PRSS23: variants seen among roughly 807,000 people sequenced by gnomAD.
PRSS23 encodes serine protease 23.
In PRSS23, 25 loss-of-function variants were observed where a neutral mutation model predicts 34.7. The ratio of observed to expected loss-of-function variants is 0.72; its 90% confidence interval spans 0.53 to 1.01. PRSS23 has a LOEUF of 1.01. Ranked by LOEUF, PRSS23 falls within the 50% of genes least tolerant of loss-of-function variation. The probability of loss-of-function intolerance (pLI) is 0.00; values close to 1 mark genes in which losing one functional copy is unlikely to be tolerated. For missense variants in PRSS23, 445 were observed against 475.6 expected, an observed-to-expected ratio of 0.94 and a Z score of 0.60; for synonymous variants, 176 against 186.6, an observed-to-expected ratio of 0.94 and a Z score of 0.46.
intron 2 of PRSS23, among the ~76,000 whole-genome samples, chr11:86,856,798 G>A (rs1048576556): frequency 6.6e-6 from 1 of 152,140 alleles, no homozygotes; most frequent in South Asian, 2.1e-4. Flanking sequence ...TTCACCTGGA[G>A]TACAGGGTTA....
intron 2 of PRSS23, among the ~76,000 whole-genome samples, chr11:86,839,464 A>C (rs1948431378): frequency 6.6e-6 from 1 of 152,176 alleles, no homozygotes; most frequent in African/African-American, 2.4e-5. Flanking sequence ...AAAAGACCAA[A>C]TCTATGTTTG....
intron 2 of PRSS23, chr11:86,837,227 C>G (rs895466997): frequency 1.3e-5 from 2 of 152,170 alleles, no homozygotes; most frequent in Non-Finnish European, 2.9e-5. Context: ...TTATTTTATT[C>G]TAATAGATTG....
upstream of PRSS23, among the ~76,000 whole-genome samples, chr11:86,799,038 GAAGCT>G (rs1303090490): frequency 9.2e-5 from 14 of 152,136 alleles, no homozygotes; most frequent in Non-Finnish European, 2.1e-4. Flanking sequence ...GAAAACAATT[GAAGCT>G]AAGCTAAGAA....
intron 2 of PRSS23, among the ~76,000 whole-genome samples, chr11:86,829,947 C>A (rs1457451452): frequency 6.6e-6 from 1 of 152,218 alleles, no homozygotes; most frequent in Non-Finnish European, 1.5e-5. Flanking sequence ...GGGTCAGGGA[C>A]CCACTTGAGG....
chr11:86,831,993 G>A (rs1398907953), intron 2 of PRSS23, among the ~76,000 whole-genome samples: 1 of 151,710 alleles, frequency 6.6e-6, no homozygotes, highest in African/African-American at 2.4e-5. Flanking sequence ...TACTCCTAAT[G>A]TTCGAGATGG....
intron 2 of PRSS23, among the ~76,000 whole-genome samples, chr11:86,888,444 C>G (rs1263995675): frequency 3.9e-5 from 6 of 152,196 alleles, no homozygotes; most frequent in African/African-American, 2.4e-5. Flanking sequence ...GAGAATCACT[C>G]TAAATCCAAG....
chr11:86,843,833 A>G (rs1345480452), intron 2 of PRSS23, among the ~76,000 whole-genome samples: 2 of 152,240 alleles, frequency 1.3e-5, no homozygotes, highest in African/African-American at 2.4e-5. Flanking sequence ...AAGTTAGTTC[A>G]ACCATTGTGG....
intron 2 of PRSS23, among the ~76,000 whole-genome samples, chr11:86,885,838 T>C (rs2134965957): frequency 6.6e-6 from 1 of 152,342 alleles, no homozygotes; most frequent in Admixed American, 6.5e-5. Flanking sequence ...CTAGGAATCT[T>C]TTCCATTGGC....
chr11:86,811,440 A>C (rs1436106615), downstream of PRSS23, among the ~76,000 whole-genome samples: 1 of 152,186 alleles, frequency 6.6e-6, no homozygotes. Flanking sequence ...GAAGTAATAA[A>C]TTTGAAAATT....
exon 2 of PRSS23, chr11:86,823,406 G>C: frequency 1.4e-6 from 1 of 702,330 alleles, no homozygotes; most frequent in East Asian, 2.7e-5. Context: ...AATGAGACCT[G>C]TGTGCCAACC....
intron 2 of PRSS23, among the ~76,000 whole-genome samples, chr11:86,924,543 G>A (rs773900777): frequency 5.9e-5 from 9 of 152,202 alleles, no homozygotes; most frequent in Admixed American, 1.3e-4. Context: ...AACTGGACTT[G>A]AAGGCTCTTG....
chr11:86,813,172 C>T (rs116169847), downstream of PRSS23, among the ~76,000 whole-genome samples: 424 of 152,330 alleles, frequency 2.8e-3, no homozygotes, highest in African/African-American at 9.6e-3. Context: ...CCTCTGTCTC[C>T]TGCGCACCTT....
chr11:86,922,492 A>C (rs1242307346), intron 2 of PRSS23, among the ~76,000 whole-genome samples: 4 of 152,136 alleles, frequency 2.6e-5, no homozygotes, highest in Non-Finnish European at 5.9e-5. Flanking sequence ...ACAAATAAAA[A>C]TAAAAATAAA....
At chr11:86,915,636 C>A (rs1949006903) in intron 2 of PRSS23, among the ~76,000 whole-genome samples, 1 of 149,524 alleles carries the variant, frequency 6.7e-6, no homozygotes, top group Admixed American at 6.7e-5. Context: ...CTGTGCCTGG[C>A]TAAAGTGGTA....
intron 2 of PRSS23, among the ~76,000 whole-genome samples, chr11:86,844,921 C>A (rs1590890924): frequency 6.6e-6 from 1 of 152,076 alleles, no homozygotes; most frequent in Admixed American, 6.6e-5. Flanking sequence ...GAAACCCCAT[C>A]TCTATTAAAA....
chr11:86,836,657 G>C (rs57577143), intron 2 of PRSS23, among the ~76,000 whole-genome samples: 2,421 of 152,228 alleles, frequency 0.016, 64 homozygotes, highest in African/African-American at 0.055. Context: ...CCCTCGAATA[G>C]TGACAGATCT....
At chr11:86,867,654 A>T in intron 2 of PRSS23, among the ~76,000 whole-genome samples, 1 of 152,132 alleles carries the variant, frequency 6.6e-6, no homozygotes, top group East Asian at 1.9e-4. Context: ...CCAAGGCTGG[A>T]GAATTGCTTG....
intron 2 of PRSS23, among the ~76,000 whole-genome samples, chr11:86,877,125 A>G (rs1411703439): frequency 1.3e-5 from 2 of 152,234 alleles, no homozygotes; most frequent in African/African-American, 4.8e-5. Context: ...TAGCCCTCAC[A>G]GTGCCTCATT....
At chr11:86,906,830 C>T (rs1426184269) in intron 2 of PRSS23, among the ~76,000 whole-genome samples, 4 of 152,096 alleles carry the variant, frequency 2.6e-5, no homozygotes, top group Non-Finnish European at 4.4e-5. Context: ...CAGCCACAAC[C>T]AGAGATGGCA....
Sources: gnomAD v4.1 joint callset for allele counts (sites outside exome capture counted in the v4.1 genomes callset) on GRCh38, gnomAD v4.1.1 for gene constraint, MANE v1.5 for transcripts, NCBI Gene and HGNC (gene_info 2026-07-23, HGNC 2026-07-21) for gene names.